COLGALT1: variants seen among roughly 807,000 people sequenced by gnomAD.
COLGALT1 encodes procollagen galactosyltransferase 1.
A neutral mutation model predicts 60.8 loss-of-function variants in COLGALT1; 43 were observed. The observed-to-expected ratio is 0.71, with a 90% CI of 0.55 to 0.91. The LOEUF (loss-of-function observed/expected upper bound fraction) is 0.91. Ranked by LOEUF, COLGALT1 falls within the 40% of genes least tolerant of loss-of-function variation. The pLI is 0.00. For synonymous variants in COLGALT1, 369 were observed against 374.2 expected (o/e 0.99, Z 0.16); for missense variants, 845 against 880.0 (o/e 0.96, Z 0.50).
chr19:17,580,903 A>G lies in COLGALT1; in HGVS notation c.1599A>G (p.Pro533=), dbSNP rs751318338. 6 of 1,613,304 alleles carry G rather than the reference A, an allele frequency of 3.7e-6. No homozygotes were observed. The highest frequency in any genetic ancestry group is 1.6e-4 in the Middle Eastern group (1 of 6,062). ...TGCCCGTCATGTTCGACAAACACCC[A>G]GTGTGAGAGGGGCAGGCGGCTGCTG... ...EFLPVMFDKH[P]VSEYKAHFSL... Residue 533 remains proline (P), a splice_region_variant and synonymous_variant, in exon 11 of 12, where the codon CCA becomes CCG. Coordinates refer to ENST00000252599, the MANE Select transcript of COLGALT1 (RefSeq NM_024656.4).
Position 17,577,412 on chromosome 19 carries a change from C to A in COLGALT1, c.1078C>A (p.Arg360=), listed in dbSNP as rs756974396. 1.3e-6 allele frequency: 2 copies of A among 1,507,724 alleles called. No homozygotes were observed. Among genetic ancestry groups the A allele is most frequent in the Non-Finnish European group, 1.8e-6 (2 of 1,126,466 alleles). 93.4% of individuals were successfully genotyped at this position (1,507,724 alleles called of 1,614,324 possible). The change falls in exon 8 of 12, where the codon CGG becomes AGG. Residue 360 remains arginine (R), a synonymous_variant. Coordinates refer to ENST00000252599, the MANE Select transcript of COLGALT1 (RefSeq NM_024656.4). ...GCAGGACCGGCGGGAGCGCATGCTG[C>A]GGGCGCTGCAGGCACAGGAGATCGA... ...RRQDRRERML[R]ALQAQEIECR...
intron 3 of COLGALT1, among the ~76,000 whole-genome samples, chr19:17,561,477 G>C (rs1304034880): frequency 6.6e-6 from 1 of 151,724 alleles, no homozygotes; most frequent in Non-Finnish European, 1.5e-5. Flanking sequence ...GGGGGGTGGT[G>C]GCCACATTGA....
chr19:17,559,146 C>T lies in COLGALT1; in HGVS notation c.261-165C>T, dbSNP rs527748617. ...CTGCACTCCAGCCTGGGCAACAGAGCGAGACTCTGTCTCAAAAAAAAACAA... is the reference window on the plus strand; with the variant it reads ...CTGCACTCCAGCCTGGGCAACAGAGTGAGACTCTGTCTCAAAAAAAAACAA... On this transcript the variant is annotated intron_variant, in intron 1 of 11. Transcript: ENST00000252599. 9.9e-4 allele frequency among the ~76,000 whole-genome samples: 151 copies of T among 151,978 alleles called. 1 individual carries two copies. Among genetic ancestry groups the T allele is most frequent in the South Asian group, 2.7e-3 (13 of 4,812 alleles).
Position 17,581,239 on chromosome 19 carries a change from T to C in COLGALT1, c.1664T>C (p.Leu555Pro). 6.2e-7 allele frequency: 1 copy of C among 1,609,856 alleles called. No individual in the cohort carries two copies. The highest frequency in any genetic ancestry group is 8.5e-7 in the Non-Finnish European group (1 of 1,179,662). ...NLHAFSVEPL[L>P]IYPTHYTGDD... ...CATGCCTTCTCTGTGGAGCCGCTGC[T>C]CATCTACCCCACACACTACACAGGA... The change falls in exon 12 of 12, where the codon CTC becomes CCC. Residue 555 changes from leucine (L) to proline (P), a missense_variant. Physicochemically the swap from Leu to Pro is moderately conservative, Grantham distance 98. Coordinates refer to ENST00000252599, the MANE Select transcript of COLGALT1 (RefSeq NM_024656.4).
chr19:17,568,046 CCAT>C (rs1393391952), intron 4 of COLGALT1, among the ~76,000 whole-genome samples: 1 of 152,162 alleles, frequency 6.6e-6, no homozygotes, highest in Non-Finnish European at 1.5e-5. Flanking sequence ...TTGTCCCCCA[CCAT>C]GCTATTCCAG....
rs1417496347 is a variant in COLGALT1, at chr19:17,582,831, C to A, written c.*1387C>A. ...CATGTTAGCCCCCCTGGAGGGGGCGCCAGTTGGAGACGGGGGCTGGGTGTC... is the reference window on the plus strand; with the variant it reads ...CATGTTAGCCCCCCTGGAGGGGGCGACAGTTGGAGACGGGGGCTGGGTGTC... On this transcript the variant is annotated 3_prime_UTR_variant, in exon 12 of 12. Coordinates refer to ENST00000252599, the MANE Select transcript of COLGALT1 (RefSeq NM_024656.4). 1 of 152,352 alleles carries A rather than the reference C, an allele frequency of 6.6e-6. No homozygotes were observed. Among genetic ancestry groups the A allele is most frequent in the Non-Finnish European group, 1.5e-5 (1 of 68,114 alleles). The allele number at this position is 152,352 out of a possible 1,614,324, so 9.4% of individuals were successfully genotyped here.
intron 3 of COLGALT1, among the ~76,000 whole-genome samples, chr19:17,562,229 C>A (rs995937031): frequency 6.6e-6 from 1 of 152,138 alleles, no homozygotes; most frequent in African/African-American, 2.4e-5. Context: ...GTCAAGTGAG[C>A]AAAGTGATTA....
chr19:17,576,665 G>T (rs1417601780), intron 6 of COLGALT1, among the ~76,000 whole-genome samples: 1 of 149,754 alleles, frequency 6.7e-6, no homozygotes, highest in Non-Finnish European at 1.5e-5. Context: ...GCATGGCCAG[G>T]GTTTAAAGGT....
At chr19:17,577,821 T>C in intron 8 of COLGALT1, 136 bp from the exon 9 acceptor site, 2 of 1,189,160 alleles carry the variant, frequency 1.7e-6, no homozygotes, top group South Asian at 2.9e-5. Flanking sequence ...TGAGGCCCCA[T>C]GTGCCCGGAA....
chr19:17,579,419 C>G (rs374190124), intron 9 of COLGALT1, 63 bp from the exon 10 acceptor site: 27 of 1,608,902 alleles, frequency 1.7e-5, no homozygotes, highest in African/African-American at 5.3e-5. Context: ...AAGCAAAGCT[C>G]TGTGCTTTAG....
intron 6 of COLGALT1, 188 bp from the exon 7 acceptor site, chr19:17,577,007 G>C: frequency 2.8e-6 from 1 of 361,444 alleles, no homozygotes; most frequent in Non-Finnish European, 5.1e-6. Context: ...CAGGGCTTTG[G>C]GCTGCTGTGC....
chr19:17,581,033 C>A, intron 11 of COLGALT1, 128 bp downstream of exon 11: 2 of 1,386,610 alleles, frequency 1.4e-6, no homozygotes, highest in African/African-American at 1.4e-5. Flanking sequence ...CCGTTTGCCC[C>A]CTCGCAGATC....
intron 6 of COLGALT1, 192 bp from the exon 7 acceptor site, chr19:17,577,003 T>TGAGAGGCAGGACTGGGGGCGGGGGGGAGC (rs1568480813): frequency 5.1e-6 from 3 of 590,038 alleles, no homozygotes; most frequent in East Asian, 2.9e-5. Flanking sequence ...TGGCCAGGGC[T>TGAGAGGCAGGACTGGGGGCGGGGGGGAGC]TTGGGCTGCT....
intron 5 of COLGALT1, chr19:17,571,763 G>A (rs529041821): frequency 7.2e-5 from 11 of 152,080 alleles, no homozygotes; most frequent in African/African-American, 2.2e-4. Context: ...ATCCAGAAAA[G>A]GATAGATGTA....
rs114538284 is a variant in COLGALT1, at chr19:17,579,389, G to A, written c.1267-93G>A. On this transcript the variant is annotated intron_variant, in intron 9 of 11. Transcript: ENST00000252599. ...CAGGGAGATGCACTGGCTTCTCTAC[G>A]GGTCTTTCAAACCTTCTCAAAGCAA... 1,069 of 1,553,840 alleles carry A rather than the reference G, an allele frequency of 6.9e-4. 6 individuals carry two copies. In the African/African-American group the frequency reaches 0.013, roughly 19 times the overall value.
chr19:17,578,025 A>T lies in COLGALT1; in HGVS notation c.1202A>T (p.His401Leu), dbSNP rs1160878293. Residue 401 changes from histidine to leucine, a missense_variant, in exon 9 of 12, where the codon CAC (histidine) becomes CTC (leucine). His to Leu is a moderately conservative substitution (Grantham distance 99, BLOSUM62 -3). Transcript: ENST00000252599. ...QMLPGYRDPY[H>L]GRPLTKGELG... ...CTGCCTGGCTACCGGGACCCCTACC[A>T]CGGCCGGCCCCTCACCAAGGGTGAG... 1.2e-6 allele frequency: 2 copies of T among 1,611,540 alleles called. No homozygotes were observed. The highest frequency in any genetic ancestry group is 1.7e-6 in the Non-Finnish European group (2 of 1,179,098).
Position 17,577,428 on chromosome 19 carries a change from A to G in COLGALT1, c.1094A>G (p.Gln365Arg). 3 of 1,295,182 alleles carry G rather than the reference A, an allele frequency of 2.3e-6. No homozygotes were observed. Among genetic ancestry groups the G allele is most frequent in the Admixed American group, 2.8e-5 (1 of 36,220 alleles). 80.2% of individuals were successfully genotyped at this position (1,295,182 alleles called of 1,614,324 possible). A position where few individuals can be genotyped will look rare whatever the true frequency, so the allele number is the denominator to read the frequency against. The change falls in exon 8 of 12, where the codon CAG becomes CGG. Residue 365 changes from glutamine (Q) to arginine (R), a missense_variant. Gln to Arg is a conservative substitution (Grantham distance 43). Coordinates refer to ENST00000252599, the MANE Select transcript of COLGALT1 (RefSeq NM_024656.4). ...CGCATGCTGCGGGCGCTGCAGGCAC[A>G]GGAGATCGAGTGCCGGCTGGTGGAG... ...RERMLRALQA[Q>R]EIECRLVEAV...
chr19:17,562,721 C>T (rs903569396), intron 3 of COLGALT1, among the ~76,000 whole-genome samples: 1 of 150,852 alleles, frequency 6.6e-6, no homozygotes, highest in Admixed American at 6.6e-5. Context: ...AGGGTATCAG[C>T]GATTGATGGA....
chr19:17,580,983 G>A, intron 11 of COLGALT1, 78 bp downstream of exon 11: 1 of 1,541,744 alleles, frequency 6.5e-7, no homozygotes, highest in Non-Finnish European at 8.9e-7. Context: ...GAGACTCACG[G>A]CCTCCGAGAA....
Sources: allele counts gnomAD v4.1 joint callset (sites outside exome capture counted in the v4.1 genomes callset), GRCh38; gene constraint gnomAD v4.1.1; transcripts MANE v1.5; gene names NCBI Gene and HGNC (gene_info 2026-07-23, HGNC 2026-07-21).